The following LDLRAD3 variants were observed in gnomAD, a reference collection of about 807,000 sequenced individuals.
LDLRAD3 encodes the protein low-density lipoprotein receptor class A domain-containing protein 3.
A neutral mutation model predicts 29.4 loss-of-function variants in LDLRAD3; 20 were observed. That is an observed-to-expected ratio of 0.68 (90% CI 0.48 to 0.99). LDLRAD3 has a LOEUF of 0.99. Ranked by LOEUF, LDLRAD3 falls within the 50% of genes least tolerant of loss-of-function variation. The pLI is 0.00. For synonymous variants in LDLRAD3, 157 were observed against 192.7 expected (o/e 0.81, Z 1.53); for missense variants, 420 against 454.3 (o/e 0.92, Z 0.69).
At chr11:36,098,989 AT>A (rs374170090) in intron 4 of LDLRAD3, among the ~76,000 whole-genome samples, 2,233 of 131,664 alleles carry the variant, frequency 0.017, 30 homozygotes, top group African/African-American at 0.048. Context: ...CTGCTGCCCT[AT>A]TTTTTTTTTC....
intron 2 of LDLRAD3, among the ~76,000 whole-genome samples, chr11:36,081,320 G>C (rs999557803): frequency 2.0e-5 from 3 of 152,158 alleles, no homozygotes; most frequent in African/African-American, 7.2e-5. Context: ...AATTTTGATT[G>C]GTGCTTCAGC....
At chr11:36,095,912 T>G (rs534001049) in intron 3 of LDLRAD3, among the ~76,000 whole-genome samples, 4 of 152,272 alleles carry the variant, frequency 2.6e-5, no homozygotes, top group African/African-American at 9.6e-5. Flanking sequence ...GGGATGTTGA[T>G]GGACACAAGG....
At chr11:36,223,888 C>T (rs1855463009) in intron 4 of LDLRAD3, among the ~76,000 whole-genome samples, 1 of 151,592 alleles carries the variant, frequency 6.6e-6, no homozygotes, top group South Asian at 2.1e-4. Flanking sequence ...GTAAGAACAG[C>T]AACACTAAAA....
chr11:36,057,393 G>A (rs566353946), intron 2 of LDLRAD3, among the ~76,000 whole-genome samples: 10 of 152,234 alleles, frequency 6.6e-5, no homozygotes, highest in South Asian at 6.2e-4. Flanking sequence ...CTCATCTTTC[G>A]TCTGTCCCTT....
intron 4 of LDLRAD3, among the ~76,000 whole-genome samples, chr11:36,160,219 G>A (rs1340357737): frequency 6.6e-6 from 1 of 152,134 alleles, no homozygotes; most frequent in Non-Finnish European, 1.5e-5. Flanking sequence ...CTGTTTTGTG[G>A]GACGTATTGC....
chr11:36,203,747 G>A (rs1449540719), intron 4 of LDLRAD3, among the ~76,000 whole-genome samples: 2 of 152,126 alleles, frequency 1.3e-5, no homozygotes, highest in Non-Finnish European at 2.9e-5. Flanking sequence ...ATTTAACATG[G>A]AGCACTTTGT....
At chr11:36,003,953 A>G (rs181277702) in intron 1 of LDLRAD3, among the ~76,000 whole-genome samples, 7 of 152,138 alleles carry the variant, frequency 4.6e-5, no homozygotes, top group Admixed American at 4.6e-4. Flanking sequence ...TCTCATGAGA[A>G]CTCACTGTCA....
rs186003400 is a variant in LDLRAD3 at position 36,058,632 on chromosome 11, G to T, written c.193+22383G>T. Among the ~76,000 whole-genome samples the T allele has an allele frequency of 1.1e-3, 168 of 152,276 alleles. 1 individual carries two copies. The highest frequency in any genetic ancestry group is 9.7e-4 in the East Asian group (5 of 5,178). On this transcript the variant is annotated intron_variant, in intron 2 of 5. Coordinates refer to ENST00000315571, the MANE Select transcript of LDLRAD3 (RefSeq NM_174902.4). ...AATCCTTCTTGAGTCCTCTGTTTTA[G>T]TAATTGCCCACTCTCCCTATTCTAA...
intron 1 of LDLRAD3, among the ~76,000 whole-genome samples, chr11:36,020,233 C>T (rs60312060): frequency 0.077 from 11,781 of 152,082 alleles, 497 homozygotes; most frequent in South Asian, 0.14. Context: ...TCCTAGGGTC[C>T]ATAGCCTTCT....
intron 1 of LDLRAD3, among the ~76,000 whole-genome samples, chr11:36,000,915 G>A (rs1851816157): frequency 6.6e-6 from 1 of 152,098 alleles, no homozygotes; most frequent in African/African-American, 2.4e-5. Context: ...GGGTCCCCAG[G>A]GAAGCAGAGA....
chr11:35,947,320 C>T (rs796336251), intron 1 of LDLRAD3, among the ~76,000 whole-genome samples: 2 of 151,992 alleles, frequency 1.3e-5, no homozygotes, highest in African/African-American at 4.8e-5. Flanking sequence ...ACCAGCCTGG[C>T]CAACATGGTG....
chr11:36,112,722 T>C (rs1479297012), intron 4 of LDLRAD3, among the ~76,000 whole-genome samples: 1 of 152,192 alleles, frequency 6.6e-6, no homozygotes, highest in Non-Finnish European at 1.5e-5. Flanking sequence ...ACATAGAAGC[T>C]ACAGCTGGGA....
At chr11:36,194,030 A>G (rs1345598323) in intron 4 of LDLRAD3, among the ~76,000 whole-genome samples, 1 of 152,222 alleles carries the variant, frequency 6.6e-6, no homozygotes, top group African/African-American at 2.4e-5. Context: ...ATTATTACAT[A>G]AAGTTCTTAG....
chr11:35,944,281 C>CG lies in LDLRAD3; in HGVS notation c.46+139dup, dbSNP rs1851026434. On this transcript the variant is annotated intron_variant, in intron 1 of 5. Transcript: ENST00000315571. This position sits in a 1 kb window ranked among gnomAD's most constrained non-coding sequence, Gnocchi z 4.9. ...GTGGGTGAGCGCGGAGGGCGGACCC[C>CG]GGCGCCGGGCTGGCCCGGACCCTGC... 2.4e-6 allele frequency: 1 copy of CG among 422,554 alleles called. No individual in the cohort carries two copies. Among genetic ancestry groups the CG allele is most frequent in the Admixed American group, 6.4e-5 (1 of 15,548 alleles). The allele number at this position is 422,554 out of a possible 1,614,324, so 26.2% of individuals were successfully genotyped here.
In LDLRAD3 at chr11:36,059,737, C is replaced by T. The variant is rs116428012; in HGVS notation, c.194-21916C>T. Among the ~76,000 whole-genome samples, 531 of 152,276 alleles carry T rather than the reference C, an allele frequency of 3.5e-3. 2 individuals are homozygous for T. The highest frequency in any genetic ancestry group is 0.012 in the African/African-American group (491 of 41,550). On this transcript the variant is annotated intron_variant, in intron 2 of 5. Transcript: ENST00000315571. Reference sequence around the variant, plus strand: ...GTACGGTTGCCGACTATCACATCTCCGTACATCACCACCTAGCACTTAGCA... The same window carrying T: ...GTACGGTTGCCGACTATCACATCTCTGTACATCACCACCTAGCACTTAGCA...
At chr11:36,076,210 GTCTGTCCA>G in intron 2 of LDLRAD3, among the ~76,000 whole-genome samples, 1 of 135,022 alleles carries the variant, frequency 7.4e-6, no homozygotes, top group Non-Finnish European at 1.6e-5. Flanking sequence ...ATTTTTGTCT[GTCTGTCCA>G]TCCGTCCATC....
At chr11:35,957,637 T>C (rs1187421283) in intron 1 of LDLRAD3, among the ~76,000 whole-genome samples, 2 of 151,620 alleles carry the variant, frequency 1.3e-5, no homozygotes, top group African/African-American at 4.8e-5. Flanking sequence ...TCGTCACTAC[T>C]AAAAATACAA....
chr11:36,082,677 A>G (rs1411054053), intron 3 of LDLRAD3, among the ~76,000 whole-genome samples: 1 of 152,078 alleles, frequency 6.6e-6, no homozygotes, highest in Non-Finnish European at 1.5e-5. Context: ...GCACACACAT[A>G]CTCATGTTCA....
chr11:36,034,324 G>A (rs1455167439), intron 1 of LDLRAD3, among the ~76,000 whole-genome samples: 3 of 152,146 alleles, frequency 2.0e-5, no homozygotes. Flanking sequence ...AAGTTGTGCT[G>A]TGCAGCAATC....
Sources: gnomAD v4.1 joint callset for allele counts (sites outside exome capture counted in the v4.1 genomes callset) on GRCh38, gnomAD v4.1.1 for gene constraint, Gnocchi (gnomAD v3.1) non-coding constraint, MANE v1.5 for transcripts, NCBI Gene and HGNC (gene_info 2026-07-23, HGNC 2026-07-21) for gene names.